Variants in KLRF1 observed in about 807,000 individuals in gnomAD.
The protein encoded by KLRF1 is killer cell lectin-like receptor subfamily F member 1.
Under a neutral mutation model 30.7 loss-of-function variants are expected in KLRF1, and 27 were observed. The observed-to-expected ratio is 0.88, with a 90% confidence interval of 0.65 to 1.21. The LOEUF is 1.21. KLRF1 is among the 50% of genes most tolerant of loss of function. KLRF1 has a pLI of 0.00. For missense variants in KLRF1, 246 were observed against 259.3 expected (o/e 0.95, Z 0.35); for synonymous variants, 92 against 89.3 (o/e 1.03, Z -0.17).
chr12:9,828,884 A>T (rs981884431), intron 1 of KLRF1, among the ~76,000 whole-genome samples: 18 of 152,272 alleles, frequency 1.2e-4, no homozygotes, highest in African/African-American at 4.3e-4. Flanking sequence ...ACTTTTTTCC[A>T]CACTCTGTTC....
intron 5 of KLRF1, among the ~76,000 whole-genome samples, chr12:9,843,213 C>T (rs1218406182): frequency 6.6e-6 from 1 of 152,136 alleles, no homozygotes; most frequent in African/African-American, 2.4e-5. Context: ...TGTGAAATCA[C>T]GTCTGTGAGC....
At chr12:9,804,062 A>G in the KLRF1 span, among the ~76,000 whole-genome samples, 1 of 151,888 alleles carries the variant, frequency 6.6e-6, no homozygotes, top group Admixed American at 6.6e-5. Flanking sequence ...CAAGGTAGCT[A>G]GGTCTGATTT....
the KLRF1 span, among the ~76,000 whole-genome samples, chr12:9,819,046 C>T: frequency 6.6e-6 from 1 of 152,220 alleles, no homozygotes; most frequent in Non-Finnish European, 1.5e-5. Context: ...CAGTGAGTGA[C>T]TGAGCACCTG....
chr12:9,827,720 T>C, intron 1 of KLRF1, 91 bp downstream of exon 1: 1 of 658,072 alleles, frequency 1.5e-6, no homozygotes, highest in East Asian at 2.8e-5. Context: ...ACTGTTTCAG[T>C]ATTTGGGTGC....
At chr12:9,828,261 A>G (rs1386411547) in intron 1 of KLRF1, among the ~76,000 whole-genome samples, 3 of 151,836 alleles carry the variant, frequency 2.0e-5, no homozygotes, top group African/African-American at 7.3e-5. Flanking sequence ...TTGCGTTTTT[A>G]GTAGAGATGG....
At chr12:9,823,713 G>GAA (rs372874302), upstream of KLRF1, among the ~76,000 whole-genome samples, 1 of 140,970 alleles carries the variant, frequency 7.1e-6, no homozygotes, top group Non-Finnish European at 1.6e-5. Context: ...TGGTTTTTTG[G>GAA]AAAAAAAAAA....
intron 5 of KLRF1, among the ~76,000 whole-genome samples, chr12:9,843,960 A>G (rs35288134): frequency 0.011 from 1,623 of 152,260 alleles, 18 homozygotes; most frequent in Non-Finnish European, 0.017. Context: ...ATAAATATGC[A>G]ATTTATTATT....
At position 9,844,561 on chromosome 12, in the gene KLRF1, T is replaced by C. The variant is rs1168824471; in HGVS notation, c.*35T>C. On this transcript the variant is annotated 3_prime_UTR_variant, in exon 6 of 6. Transcript: ENST00000617889. ...AAATTCACAGTGAAATAATCAATGA[T>C]CACTATTTTTGGCCTATTAGTTTCT... The C allele has an allele frequency of 1.7e-6, 2 of 1,195,232 alleles. No individual in the cohort carries two copies. Among genetic ancestry groups the C allele is most frequent in the East Asian group, 2.4e-5 (1 of 42,010 alleles). The allele number at this position is 1,195,232 out of a possible 1,614,324, so 74.0% of individuals were successfully genotyped here. A position where few individuals can be genotyped will look rare whatever the true frequency, so the allele number is the denominator to read the frequency against.
At chr12:9,829,172 C>G (rs902592040) in intron 1 of KLRF1, among the ~76,000 whole-genome samples, 1 of 152,088 alleles carries the variant, frequency 6.6e-6, no homozygotes, top group Non-Finnish European at 1.5e-5. Flanking sequence ...CTCTATCCCA[C>G]TATACATATG....
chr12:9,835,787 A>T (rs1867562802), intron 3 of KLRF1, among the ~76,000 whole-genome samples: 1 of 152,072 alleles, frequency 6.6e-6, no homozygotes, highest in Non-Finnish European at 1.5e-5. Flanking sequence ...CCACAGGAAT[A>T]GGAATAGTAG....
At chr12:9,818,952 G>T in the KLRF1 span, among the ~76,000 whole-genome samples, 2 of 152,178 alleles carry the variant, frequency 1.3e-5, no homozygotes, top group Non-Finnish European at 2.9e-5. Context: ...AACTCAATCC[G>T]TGGAGGATGA....
chr12:9,844,563 A>T lies in KLRF1; in HGVS notation c.*37A>T. 3 of 1,176,174 alleles carry T rather than the reference A, an allele frequency of 2.6e-6. No homozygotes were observed. Among genetic ancestry groups the T allele is most frequent in the Non-Finnish European group, 3.8e-6 (3 of 795,414 alleles). 72.9% of individuals were successfully genotyped at this position (1,176,174 alleles called of 1,614,324 possible). On this transcript the variant is annotated 3_prime_UTR_variant, in exon 6 of 6. Transcript: ENST00000617889. ...ATTCACAGTGAAATAATCAATGATC[A>T]CTATTTTTGGCCTATTAGTTTCTAA...
chr12:9,817,149 C>A, the KLRF1 span, among the ~76,000 whole-genome samples: 1 of 152,164 alleles, frequency 6.6e-6, no homozygotes, highest in South Asian at 2.1e-4. Context: ...GAATGGTTAG[C>A]AATAGAGCCC....
the KLRF1 span, among the ~76,000 whole-genome samples, chr12:9,801,687 A>G: frequency 0.068 from 10,400 of 151,826 alleles, 466 homozygotes; most frequent in East Asian, 0.2. Context: ...CACTTTTTGA[A>G]TGGGATTGTT....
chr12:9,842,552 A>G (rs1042086892), intron 5 of KLRF1, 119 bp downstream of exon 5: 6 of 836,710 alleles, frequency 7.2e-6, no homozygotes, highest in Admixed American at 3.2e-5. Flanking sequence ...AAGAATGAAA[A>G]TTAATTTAGT....
At chr12:9,805,676 A>G in the KLRF1 span, among the ~76,000 whole-genome samples, 1 of 151,926 alleles carries the variant, frequency 6.6e-6, no homozygotes, top group South Asian at 2.1e-4. Flanking sequence ...GAAGTTTTAA[A>G]ACCACTGATT....
intron 3 of KLRF1, 60 bp from the exon 4 acceptor site, chr12:9,841,752 C>T: frequency 7.4e-7 from 1 of 1,351,010 alleles, no homozygotes; most frequent in Non-Finnish European, 1.0e-6. Flanking sequence ...GTTCTTATGG[C>T]CAATTTTCAG....
chr12:9,820,176 C>G, the KLRF1 span, among the ~76,000 whole-genome samples: 3 of 152,332 alleles, frequency 2.0e-5, no homozygotes, highest in Admixed American at 2.0e-4. Context: ...ATGTTGGAAC[C>G]TCCCTGGGAT....
chr12:9,806,206 C>T, the KLRF1 span, among the ~76,000 whole-genome samples: 2 of 151,736 alleles, frequency 1.3e-5, no homozygotes, highest in Non-Finnish European at 2.9e-5. Flanking sequence ...TTGTTTGCAT[C>T]CTATAATTTT....
Sources: allele counts gnomAD v4.1 joint callset (sites outside exome capture counted in the v4.1 genomes callset), GRCh38; gene constraint gnomAD v4.1.1; transcripts MANE v1.5; gene names NCBI Gene and HGNC (gene_info 2026-07-23, HGNC 2026-07-21).